Variants in MYO16 observed in about 807,000 individuals in gnomAD.
MYO16 encodes unconventional myosin-XVI.
In MYO16, 94 loss-of-function variants were observed where a neutral mutation model predicts 205.3. That is an observed-to-expected ratio of 0.46 (90% CI 0.39 to 0.54). The LOEUF (loss-of-function observed/expected upper bound fraction) is 0.54. Ranked by LOEUF, MYO16 falls within the 20% of genes least tolerant of loss-of-function variation. The pLI, the probability that MYO16 is intolerant of heterozygous loss-of-function variation, is 0.00. For synonymous variants in MYO16, 988 were observed against 954.0 expected (o/e 1.04, Z -0.66); for missense variants, 2,315 against 2,387.5 (o/e 0.97, Z 0.63).
At chr13:108,621,661 G>C (rs1205271288) in intron 1 of MYO16, among the ~76,000 whole-genome samples, 1 of 152,114 alleles carries the variant, frequency 6.6e-6, no homozygotes, top group Non-Finnish European at 1.5e-5. Flanking sequence ...ATCTGAAGCA[G>C]ATGATCCTCT....
chr13:108,625,475 T>C (rs1879699135), upstream of MYO16, among the ~76,000 whole-genome samples: 1 of 152,226 alleles, frequency 6.6e-6, no homozygotes, highest in African/African-American at 2.4e-5. Flanking sequence ...CTCTGTAGGC[T>C]TCAGCCTCAA....
chr13:109,065,363 G>A (rs982116136), intron 27 of MYO16, among the ~76,000 whole-genome samples: 1 of 151,748 alleles, frequency 6.6e-6, no homozygotes, highest in African/African-American at 2.4e-5. Flanking sequence ...TGCAAGTGAT[G>A]GGAAAGAATA....
At chr13:108,581,879 CGAAAAAAAAAAAA>C in the MYO16 span, among the ~76,000 whole-genome samples, 2,359 of 122,558 alleles carry the variant, frequency 0.019, 44 homozygotes, top group African/African-American at 0.067. Context: ...AACGCTGTCT[CGAAAAAAAAAAAA>C]GAAAAAAAAA....
chr13:108,905,892 G>A (rs943853364), intron 15 of MYO16, among the ~76,000 whole-genome samples: 1 of 152,198 alleles, frequency 6.6e-6, no homozygotes, highest in African/African-American at 2.4e-5. Flanking sequence ...CCATCAGCAA[G>A]CATTCGGCAA....
intron 33 of MYO16, chr13:109,167,216 C>G (rs1337162670): frequency 7.9e-5 from 12 of 152,164 alleles, no homozygotes; most frequent in Admixed American, 7.9e-4. Flanking sequence ...TCACTAAATC[C>G]AGGCCACACT....
intron 34 of MYO16, among the ~76,000 whole-genome samples, chr13:109,185,132 G>A (rs1338921986): frequency 6.6e-6 from 1 of 152,126 alleles, no homozygotes; most frequent in African/African-American, 2.4e-5. Flanking sequence ...CTTCTAGATG[G>A]GAAACCTGCA....
At chr13:108,519,468 T>C in the MYO16 span, among the ~76,000 whole-genome samples, 1 of 152,166 alleles carries the variant, frequency 6.6e-6, no homozygotes, top group African/African-American at 2.4e-5. Flanking sequence ...AATCTGCGGA[T>C]TTGACTGCAT....
At chr13:109,121,637 C>T (rs1300719674) in intron 29 of MYO16, among the ~76,000 whole-genome samples, 3 of 152,202 alleles carry the variant, frequency 2.0e-5, no homozygotes, top group Non-Finnish European at 4.4e-5. Flanking sequence ...CTAGGTGCAG[C>T]TTTTCTCTAA....
intron 23 of MYO16, among the ~76,000 whole-genome samples, chr13:109,023,270 T>C (rs1357331199): frequency 1.2e-5 from 1 of 84,080 alleles, no homozygotes; most frequent in Non-Finnish European, 2.1e-5. Flanking sequence ...TATACAGATA[T>C]AAATATATAT....
intron 33 of MYO16, among the ~76,000 whole-genome samples, chr13:109,169,396 G>A (rs981853235): frequency 2.6e-5 from 4 of 152,138 alleles, no homozygotes; most frequent in African/African-American, 9.7e-5. Context: ...GGATAGAAAG[G>A]AAGGAAAGAG....
upstream of MYO16, among the ~76,000 whole-genome samples, chr13:108,592,141 G>A (rs543667539): frequency 1.0e-4 from 13 of 128,270 alleles, no homozygotes; most frequent in South Asian, 3.2e-3. Context: ...AGTTTGGAGG[G>A]CTGTGTGTGG....
chr13:108,873,001 T>C (rs897248994), intron 12 of MYO16, among the ~76,000 whole-genome samples: 3 of 152,336 alleles, frequency 2.0e-5, no homozygotes, highest in African/African-American at 4.8e-5. Context: ...ACATTTTACA[T>C]TGAATTAGTG....
chr13:109,141,030 C>T lies in MYO16; in HGVS notation c.4818C>T (p.Pro1606=), dbSNP rs28664189. The change falls in exon 32 of 35, where the codon CCC becomes CCT. Residue 1606 remains proline (P), a synonymous_variant. Transcript: ENST00000457511. This position sits in a 1 kb window ranked among gnomAD's most constrained non-coding sequence, Gnocchi z 4.1. ...PPPPPPPGPP[P]APYRPCAHLA... ...CCCCGCCCCCGCCCGGGCCGCCCCC[C>T]GCGCCCTACAGGCCCTGCGCGCACT... The T allele has an allele frequency of 5.0e-3, 6,621 of 1,330,604 alleles. 273 individuals are homozygous for T. The African/African-American group carries it at 0.089, about 18-fold the overall frequency. The allele number at this position is 1,330,604 out of a possible 1,614,324, so 82.4% of individuals were successfully genotyped here. A position where few individuals can be genotyped will look rare whatever the true frequency, so the allele number is the denominator to read the frequency against.
At chr13:108,652,812 T>C (rs1311825345) in intron 1 of MYO16, among the ~76,000 whole-genome samples, 5 of 152,220 alleles carry the variant, frequency 3.3e-5, no homozygotes, top group Admixed American at 3.3e-4. Context: ...GACATCTGCT[T>C]CCACTTCTTG....
intron 16 of MYO16, among the ~76,000 whole-genome samples, chr13:108,929,790 A>G (rs1406313170): frequency 6.6e-6 from 1 of 152,148 alleles, no homozygotes; most frequent in African/African-American, 2.4e-5. Context: ...AAACCCACAC[A>G]TGCATTAAAA....
intron 16 of MYO16, among the ~76,000 whole-genome samples, chr13:108,956,886 T>C (rs191898070): frequency 6.6e-6 from 1 of 152,264 alleles, no homozygotes; most frequent in East Asian, 1.9e-4. Flanking sequence ...TTCCTTCACA[T>C]TCTCAGCTGC....
chr13:108,608,110 G>A (rs376325445), intron 1 of MYO16, among the ~76,000 whole-genome samples: 3 of 152,270 alleles, frequency 2.0e-5, no homozygotes, highest in African/African-American at 7.2e-5. Flanking sequence ...TTTCAGTTTT[G>A]CAGATTTCTG....
chr13:109,115,510 C>T (rs557111646), intron 28 of MYO16, among the ~76,000 whole-genome samples: 1 of 152,274 alleles, frequency 6.6e-6, no homozygotes, highest in East Asian at 1.9e-4. Context: ...AGTTGGAGAA[C>T]ATTTTAACCT....
intron 1 of MYO16, among the ~76,000 whole-genome samples, chr13:108,601,173 C>G (rs778194457): frequency 3.3e-5 from 5 of 151,986 alleles, no homozygotes; most frequent in Non-Finnish European, 7.4e-5. Context: ...GATGTGTGTC[C>G]CATGGAGCAC....
Sources: allele counts gnomAD v4.1 joint callset (sites outside exome capture counted in the v4.1 genomes callset), GRCh38; gene constraint gnomAD v4.1.1; non-coding constraint Gnocchi (gnomAD v3.1); transcripts MANE v1.5; gene names NCBI Gene and HGNC (gene_info 2026-07-23, HGNC 2026-07-21).